The following LTBP2 variants were observed in gnomAD, a reference collection of about 807,000 sequenced individuals.
The protein encoded by LTBP2 is latent-transforming growth factor beta-binding protein 2.
LTBP2 carries 103 observed loss-of-function variants against 210.6 expected under a neutral mutation model. That is an observed-to-expected ratio of 0.49 (90% confidence interval 0.42 to 0.58). The LOEUF (loss-of-function observed/expected upper bound fraction) is 0.58, where lower values mean the gene tolerates loss of function less well. Ranked by LOEUF, LTBP2 falls within the 20% of genes least tolerant of loss-of-function variation. The pLI is 0.00. For synonymous variants in LTBP2, 1,007 were observed against 1,015.0 expected (o/e 0.99, Z 0.15); for missense variants, 2,313 against 2,494.5 (o/e 0.93, Z 1.55).
rs2139788746 is a variant in LTBP2 at position 74,586,415 on chromosome 14, C to T, written c.566-297G>A. ...CCTGAAGAGGAAGTGCACTGCCTGA[C>T]ACTGTGTCTATACTGAAATGTTCAC... On this transcript the variant is annotated intron_variant, in intron 2 of 35. Transcript: ENST00000261978. The surrounding 1 kb of genome is among the most constrained non-coding windows in gnomAD (Gnocchi z 4.6). Among the ~76,000 whole-genome samples the T allele has an allele frequency of 6.6e-6, 1 of 152,328 alleles. No homozygotes were observed. Among genetic ancestry groups the T allele is most frequent in the East Asian group, 1.9e-4 (1 of 5,184 alleles).
intron 8 of LTBP2, among the ~76,000 whole-genome samples, chr14:74,540,833 A>ATT (rs1566629967): frequency 9.4e-4 from 27 of 28,874 alleles, no homozygotes; most frequent in African/African-American, 1.9e-3. Flanking sequence ...TTTATATAAT[A>ATT]TATATTTATA....
chr14:74,547,260 GAT>G (rs1407673985), intron 8 of LTBP2, among the ~76,000 whole-genome samples: 1 of 152,202 alleles, frequency 6.6e-6, no homozygotes, highest in Non-Finnish European at 1.5e-5. Context: ...TTACAGAGGA[GAT>G]ACTGACCCAA....
intron 3 of LTBP2, among the ~76,000 whole-genome samples, chr14:74,575,697 G>A (rs925992294): frequency 9.2e-5 from 14 of 152,204 alleles, no homozygotes; most frequent in African/African-American, 3.1e-4. Flanking sequence ...GCCTTAGTGT[G>A]GCCCATCCAC....
At chr14:74,529,879 G>A (rs796950735) in intron 10 of LTBP2, among the ~76,000 whole-genome samples, 29 of 152,340 alleles carry the variant, frequency 1.9e-4, no homozygotes, top group African/African-American at 6.0e-4. Context: ...GTAGAGGGCT[G>A]ACTGGATTCT....
intron 2 of LTBP2, among the ~76,000 whole-genome samples, chr14:74,598,145 C>G (rs1163766621): frequency 6.6e-6 from 1 of 152,226 alleles, no homozygotes; most frequent in Non-Finnish European, 1.5e-5. Context: ...CTCAGGGAGC[C>G]TGACTCCAAA....
In LTBP2 at chr14:74,521,972, GTAGGACCCCA is replaced by G. The variant is rs1403433496; in HGVS notation, c.2717_2726del (p.Val906AlafsTer101). ...TGTAGCCAGGGTAGCAGAAGCAGGA[GTAGGACCCCA>G]CGCGGTTGATGCAGCGCCCTTTTCC... On this transcript the variant is annotated frameshift_variant, in exon 17 of 36. Transcript: ENST00000261978. LOFTEE classifies it high-confidence loss of function. 1.2e-6 allele frequency: 2 copies of G among 1,614,090 alleles called. No individual in the cohort carries two copies. The highest frequency in any genetic ancestry group is 2.2e-5 in the South Asian group (2 of 91,084).
rs200259519 is a variant in LTBP2 at position 74,549,856 on chromosome 14, C to T, written c.1789+7G>A. ...CACAACACGTGACCTTGGACTCCAG[C>T]ACTCACCTGGTCTGGGTGGGCATGG... On this transcript the variant is annotated splice_region_variant and intron_variant, in intron 8 of 35. Transcript: ENST00000261978. 869 of 1,611,696 alleles carry T rather than the reference C, an allele frequency of 5.4e-4. 1 individual carries two copies. The highest frequency in any genetic ancestry group is 1.7e-3 in the South Asian group (156 of 91,036).
At chr14:74,582,432 A>T (rs1230226140) in intron 3 of LTBP2, among the ~76,000 whole-genome samples, 2 of 127,632 alleles carry the variant, frequency 1.6e-5, no homozygotes, top group Non-Finnish European at 3.3e-5. Context: ...ACACACACAC[A>T]CTCCAGTTTC....
chr14:74,516,880 G>A lies in LTBP2; in HGVS notation c.2850C>T (p.Gly950=), dbSNP rs1293592797. Residue 950 remains glycine (G), a synonymous_variant, in exon 18 of 36, where the codon GGC becomes GGT. Coordinates refer to ENST00000261978, the MANE Select transcript of LTBP2 (RefSeq NM_000428.3). The part of the protein sequence containing the change: ...CSGGQCTNTE[G]SYHCECDQGY... The stretch of plus-strand genomic sequence containing the variant: ...CCTGATCACACTCGCAGTGGTACGA[G>A]CCCTCGGTGTTGGTGCACTGCCCCC... The A allele has an allele frequency of 1.9e-6, 3 of 1,551,794 alleles. No homozygotes were observed. Among genetic ancestry groups the A allele is most frequent in the Non-Finnish European group, 2.6e-6 (3 of 1,147,094 alleles).
chr14:74,609,372 G>C (rs1055856730), intron 1 of LTBP2, among the ~76,000 whole-genome samples: 6 of 152,154 alleles, frequency 3.9e-5, no homozygotes, highest in South Asian at 2.1e-4. Context: ...CACCAGCTTT[G>C]TTGTAGTGAC....
chr14:74,588,155 G>A (rs2088233935), intron 2 of LTBP2, among the ~76,000 whole-genome samples: 1 of 152,182 alleles, frequency 6.6e-6, no homozygotes, highest in South Asian at 2.1e-4. Flanking sequence ...AAAAACACTT[G>A]TCGTGTTTGC....
At chr14:74,540,822 T>TATATATATATTTGTATATAATATA (rs1253529515) in intron 8 of LTBP2, among the ~76,000 whole-genome samples, 1 of 67,600 alleles carries the variant, frequency 1.5e-5, no homozygotes, top group African/African-American at 5.1e-5. Flanking sequence ...ATATATATAT[T>TATATATATATTTGTATATAATATA]TTTATATAAT....
chr14:74,590,761 A>G (rs2088271061), intron 2 of LTBP2, among the ~76,000 whole-genome samples: 1 of 61,384 alleles, frequency 1.6e-5, no homozygotes, highest in African/African-American at 7.0e-5. Context: ...ACATGTCATC[A>G]CTTACAAGTG....
At chr14:74,508,781 C>G in intron 23 of LTBP2, 49 bp downstream of exon 23, 2 of 1,613,590 alleles carry the variant, frequency 1.2e-6, no homozygotes, top group South Asian at 1.1e-5. Flanking sequence ...GCCTGCCTCC[C>G]CACACACTCA....
chr14:74,577,782 C>T (rs909146524), intron 3 of LTBP2, among the ~76,000 whole-genome samples: 1 of 98,912 alleles, frequency 1.0e-5, no homozygotes, highest in African/African-American at 4.2e-5. Context: ...GCTGGGATTA[C>T]AGGCATGGCC....
chr14:74,540,810 A>T (rs1315045029), intron 8 of LTBP2, among the ~76,000 whole-genome samples: 2,230 of 10,726 alleles, frequency 0.21, 358 homozygotes, highest in Non-Finnish European at 0.49. Context: ...TATATATATA[A>T]TATATATATA....
chr14:74,566,276 A>C (rs1188653744), intron 3 of LTBP2, among the ~76,000 whole-genome samples: 1 of 152,184 alleles, frequency 6.6e-6, no homozygotes, highest in African/African-American at 2.4e-5. Context: ...AGGGAACACC[A>C]ACGCTTAAGA....
At chr14:74,505,527 A>G (rs1176483511) in intron 28 of LTBP2, among the ~76,000 whole-genome samples, 1 of 152,156 alleles carries the variant, frequency 6.6e-6, no homozygotes, top group East Asian at 1.9e-4. Context: ...CCATATGGGC[A>G]GCCCTCTGGT....
chr14:74,611,915 C>A lies in LTBP2; in HGVS notation c.30G>T (p.Pro10=). MRPRTKARS[P]GRALRNPWRG... ...TCCAGGGGTTCCGCAGGGCGCGCCC[C>A]GGGCTGCGGGCTTTGGTCCGCGGCC... is the stretch of plus-strand genomic sequence containing the variant. The change falls in exon 1 of 36, where the codon CCG becomes CCT. Residue 10 remains proline, a synonymous_variant. Transcript: ENST00000261978. 6.3e-7 allele frequency: 1 copy of A among 1,590,658 alleles called. No individual in the cohort carries two copies. Among genetic ancestry groups the A allele is most frequent in the Non-Finnish European group, 8.5e-7 (1 of 1,172,250 alleles).
Sources: gnomAD v4.1 joint callset for allele counts (sites outside exome capture counted in the v4.1 genomes callset) on GRCh38, gnomAD v4.1.1 for gene constraint, Gnocchi (gnomAD v3.1) non-coding constraint, MANE v1.5 for transcripts, NCBI Gene and HGNC (gene_info 2026-07-23, HGNC 2026-07-21) for gene names.